The following LYST variants were observed in gnomAD, a reference collection of about 807,000 sequenced individuals.
LYST encodes the protein lysosomal trafficking regulator, also known as lysosomal-trafficking regulator.
Under a neutral mutation model 413.6 loss-of-function variants are expected in LYST, and 192 were observed. That is an observed-to-expected ratio of 0.46 (90% confidence interval 0.41 to 0.52). LYST has a LOEUF of 0.52. Ranked by LOEUF, LYST falls within the 20% of genes least tolerant of loss-of-function variation. The pLI is 0.00. For missense variants in LYST, 3,815 were observed against 4,499.9 expected (o/e 0.85, Z 4.35); for synonymous variants, 1,525 against 1,567.3 (o/e 0.97, Z 0.64).
At chr1:235,716,154 T>C (rs1662820674) in intron 41 of LYST, among the ~76,000 whole-genome samples, 7 of 152,194 alleles carry the variant, frequency 4.6e-5, no homozygotes, top group Non-Finnish European at 1.5e-5. Context: ...ATGAGAAAAG[T>C]GTTTCAGTTG....
At chr1:235,746,992 T>A (rs1380532773) in intron 28 of LYST, among the ~76,000 whole-genome samples, 1 of 152,184 alleles carries the variant, frequency 6.6e-6, no homozygotes, top group Non-Finnish European at 1.5e-5. Context: ...AGTGACAAAG[T>A]AGAAATCAGT....
chr1:235,783,412 T>A (rs1461585219), intron 14 of LYST, among the ~76,000 whole-genome samples: 2 of 152,108 alleles, frequency 1.3e-5, no homozygotes, highest in East Asian at 1.9e-4. Flanking sequence ...TTTTTTATTT[T>A]AAAAAATAGT....
intron 47 of LYST, among the ~76,000 whole-genome samples, chr1:235,692,813 G>C (rs1233831594): frequency 1.3e-5 from 2 of 151,748 alleles, no homozygotes; most frequent in East Asian, 3.9e-4. Context: ...TTGAGTCCAG[G>C]AGTTTGAGGC....
intron 3 of LYST, among the ~76,000 whole-genome samples, chr1:235,819,248 T>A (rs999506446): frequency 1.3e-5 from 2 of 152,212 alleles, no homozygotes; most frequent in African/African-American, 2.4e-5. Context: ...GAAGTTCTCT[T>A]CAATCCTCTG....
chr1:235,781,851 G>T, intron 15 of LYST, 76 bp downstream of exon 15: 1 of 990,162 alleles, frequency 1.0e-6, no homozygotes, highest in African/African-American at 1.6e-5. Flanking sequence ...AAAAAAAACT[G>T]GAAATGTTTC....
At chr1:235,853,546 G>A (rs925954544) in intron 1 of LYST, among the ~76,000 whole-genome samples, 1 of 151,960 alleles carries the variant, frequency 6.6e-6, no homozygotes, top group African/African-American at 2.4e-5. Context: ...GGGGAAGAAT[G>A]GAAATCTAAG....
intron 3 of LYST, chr1:235,829,944 C>A (rs1483670778): frequency 7.5e-6 from 2 of 266,652 alleles, no homozygotes; most frequent in Non-Finnish European, 1.4e-5. Flanking sequence ...TATATTTCTA[C>A]TAAGAACCAT....
intron 28 of LYST, among the ~76,000 whole-genome samples, chr1:235,748,362 C>T (rs1249783166): frequency 6.6e-6 from 1 of 151,856 alleles, no homozygotes; most frequent in Non-Finnish European, 1.5e-5. Context: ...TATATTGCTA[C>T]CTTATTTATA....
intron 1 of LYST, among the ~76,000 whole-genome samples, chr1:235,853,494 A>T (rs1678793421): frequency 1.5e-5 from 2 of 129,904 alleles, no homozygotes; most frequent in African/African-American, 8.3e-5. Flanking sequence ...AAAGAAAACT[A>T]AAAAAAAAAA....
chr1:235,800,533 G>T, intron 9 of LYST, 147 bp from the exon 10 acceptor site: 1 of 613,952 alleles, frequency 1.6e-6, no homozygotes, highest in South Asian at 2.1e-5. Context: ...CTATGTGTAG[G>T]ATTATACTAA....
At chr1:235,794,823 G>A (rs942913511) in intron 10 of LYST, among the ~76,000 whole-genome samples, 1 of 152,128 alleles carries the variant, frequency 6.6e-6, no homozygotes, top group Non-Finnish European at 1.5e-5. Context: ...AAAATAATAT[G>A]ATCAGTGTGT....
intron 9 of LYST, 124 bp downstream of exon 9, chr1:235,800,747 G>A (rs1672126425): frequency 4.3e-6 from 3 of 700,866 alleles, no homozygotes; most frequent in Non-Finnish European, 7.4e-6. Flanking sequence ...TTCACCTGAG[G>A]TACCAGAAAA....
chr1:235,846,541 C>A (rs535868440), intron 1 of LYST, among the ~76,000 whole-genome samples: 4 of 151,992 alleles, frequency 2.6e-5, no homozygotes, highest in Admixed American at 2.6e-4. Context: ...ATTTACCTGA[C>A]AAAGAATTCA....
intron 3 of LYST, among the ~76,000 whole-genome samples, chr1:235,817,194 G>A (rs1572358876): frequency 1.3e-5 from 2 of 151,870 alleles, no homozygotes; most frequent in East Asian, 3.9e-4. Context: ...CAGTCAGGAT[G>A]GCTATTAAAA....
At chr1:235,675,561 G>A (rs1366390983) in intron 50 of LYST, among the ~76,000 whole-genome samples, 1 of 152,176 alleles carries the variant, frequency 6.6e-6, no homozygotes, top group Non-Finnish European at 1.5e-5. Context: ...CCAAGCACTT[G>A]TTTCTAACAA....
intron 5 of LYST, among the ~76,000 whole-genome samples, chr1:235,807,987 T>C (rs988933418): frequency 7.9e-5 from 12 of 152,214 alleles, no homozygotes; most frequent in Non-Finnish European, 1.5e-4. Flanking sequence ...TAAGATATTA[T>C]AATCATTTTC....
intron 36 of LYST, among the ~76,000 whole-genome samples, chr1:235,730,265 A>G (rs1664247152): frequency 6.6e-6 from 1 of 151,986 alleles, no homozygotes; most frequent in Non-Finnish European, 1.5e-5. Context: ...GTTAATATAT[A>G]ATAACATACT....
At chr1:235,695,448 G>A (rs540724712) in intron 46 of LYST, among the ~76,000 whole-genome samples, 13 of 152,224 alleles carry the variant, frequency 8.5e-5, no homozygotes, top group South Asian at 6.2e-4. Flanking sequence ...TACATTGTGC[G>A]AAGAAATTAA....
At chr1:235,785,129 C>T (rs1180338921) in intron 14 of LYST, among the ~76,000 whole-genome samples, 1 of 152,146 alleles carries the variant, frequency 6.6e-6, no homozygotes, top group African/African-American at 2.4e-5. Context: ...CCCTGTCTTC[C>T]ACCTCAAACT....
Sources: gnomAD v4.1 joint callset for allele counts (sites outside exome capture counted in the v4.1 genomes callset) on GRCh38, gnomAD v4.1.1 for gene constraint, MANE v1.5 for transcripts, NCBI Gene and HGNC (gene_info 2026-07-23, HGNC 2026-07-21) for gene names.